DCTN1: variants seen among roughly 807,000 people sequenced by gnomAD.
The protein encoded by DCTN1 is dynactin subunit 1.
A neutral mutation model predicts 161.2 loss-of-function variants in DCTN1; 61 were observed. That is an observed-to-expected ratio of 0.38 (90% CI 0.31 to 0.47). DCTN1 has a LOEUF of 0.47. Ranked by LOEUF, DCTN1 falls within the 20% of genes least tolerant of loss-of-function variation. The pLI is 0.99. For missense variants in DCTN1, 1,404 were observed against 1,623.7 expected (o/e 0.86, Z 2.33); for synonymous variants, 653 against 632.4 (o/e 1.03, Z -0.49).
Position 74,370,505 on chromosome 2 carries a change from A to C in DCTN1, c.1088T>G (p.Leu363Arg). 1 of 1,614,178 alleles carries C rather than the reference A, an allele frequency of 6.2e-7. No individual in the cohort carries two copies. Among genetic ancestry groups the C allele is most frequent in the Non-Finnish European group, 8.5e-7 (1 of 1,180,046 alleles). Residue 363 changes from leucine (L) to arginine (R), a missense_variant, in exon 11 of 32, where the codon CTT becomes CGT. Physicochemically the swap from Leu to Arg is moderately radical, Grantham distance 102. Around this residue, in one of 9 missense-constraint regions of DCTN1, gnomAD observed 278 missense variants for 363.8 expected, o/e 0.76. Transcript: ENST00000628224. This position sits in a 1 kb window ranked among gnomAD's most constrained non-coding sequence, Gnocchi z 4.4. ...GAASSYQLKQLEEQNARLKDA... is the reference protein window; with the variant it reads ...GAASSYQLKQREEQNARLKDA... ...CTTCAGGCGGGCATTCTGCTCCTCA[A>C]GCTGCTTGAGCTGATAACTGGATGC...
chr2:74,370,921 C>T lies in DCTN1; in HGVS notation c.843+58G>A, dbSNP rs1193869865. On this transcript the variant is annotated intron_variant, in intron 9 of 31. Transcript: ENST00000628224. The surrounding 1 kb of genome is among the most constrained non-coding windows in gnomAD (Gnocchi z 4.4). ...CAGGCTCCAGCTCCAGTCTAGTTTC[C>T]AGCATGCTTCCTTAGGTCTCAGGCT... is the stretch of plus-strand genomic sequence containing the variant. 16 of 1,613,218 alleles carry T rather than the reference C, an allele frequency of 9.9e-6. No individual in the cohort carries two copies. The East Asian group carries it at 2.9e-4, about 29-fold the overall frequency.
chr2:74,371,804 G>A, intron 7 of DCTN1, 76 bp from the exon 8 acceptor site: 2 of 1,199,078 alleles, frequency 1.7e-6, no homozygotes, highest in Non-Finnish European at 2.4e-6. Context: ...AACAGAATAT[G>A]AGAATATGGC....
Position 74,364,976 on chromosome 2 carries a change from C to T in DCTN1, c.3196+99G>A, listed in dbSNP as rs1674291473. ...TGTAAGCATGTTCCTGGCTGAATAC[C>T]CGGGGGTAAGGGGGGTGGGGCAGAG... is the stretch of plus-strand genomic sequence containing the variant. On this transcript the variant is annotated intron_variant, in intron 26 of 31. Coordinates refer to ENST00000628224, the MANE Select transcript of DCTN1 (RefSeq NM_004082.5). 4.0e-6 allele frequency: 6 copies of T among 1,493,910 alleles called. No individual in the cohort carries two copies. The Admixed American group carries it at 6.7e-5, about 17-fold the overall frequency. The allele number at this position is 1,493,910 out of a possible 1,614,324, so 92.5% of individuals were successfully genotyped here. A position where few individuals can be genotyped will look rare whatever the true frequency, so the allele number is the denominator to read the frequency against.
rs201041559 is a variant in DCTN1, at chr2:74,370,438, C to T, written c.1127+28G>A. The stretch of plus-strand genomic sequence containing the variant: ...ACACATTTGGAGACACAAGAGTAAG[C>T]ATCAGAGGCAAGCACTGAAGACCCT... On this transcript the variant is annotated intron_variant, in intron 11 of 31. Coordinates refer to ENST00000628224, the MANE Select transcript of DCTN1 (RefSeq NM_004082.5). This position sits in a 1 kb window ranked among gnomAD's most constrained non-coding sequence, Gnocchi z 4.4. 6.7e-5 allele frequency: 108 copies of T among 1,614,156 alleles called. No individual in the cohort carries two copies. The African/African-American group carries it at 1.2e-3, about 18-fold the overall frequency.
At position 74,380,234 on chromosome 2, in the gene DCTN1, G is replaced by C; in HGVS notation, c.-197C>G. 1 of 658,430 alleles carries C rather than the reference G, an allele frequency of 1.5e-6. No individual in the cohort carries two copies. Among genetic ancestry groups the C allele is most frequent in the Non-Finnish European group, 2.8e-6 (1 of 362,644 alleles). The allele number at this position is 658,430 out of a possible 1,614,324, so 40.8% of individuals were successfully genotyped here. ...TGGGGGCAGTGATGGGGGCTGAGGA[G>C]CAAGTCCCCTCTGCTGCCTGAGGAT... is the stretch of plus-strand genomic sequence containing the variant. On this transcript the variant is annotated 5_prime_UTR_variant, in exon 1 of 32. Transcript: ENST00000628224.
chr2:74,366,620 C>A lies in DCTN1; in HGVS notation c.2467G>T (p.Val823Leu). ...IPAALAFGPQ[V>L]SDTLLDCRKH... Reference sequence around the variant, plus strand: ...CTGCAGTCTAGGAGCGTGTCAGATACCTGTGTGCCAGGCCAGAGTCAGGAG... The same window carrying A: ...CTGCAGTCTAGGAGCGTGTCAGATAACTGTGTGCCAGGCCAGAGTCAGGAG... Residue 823 changes from valine (V) to leucine (L), a missense_variant and splice_region_variant, in exon 22 of 32, where the codon GTA becomes TTA. Coordinates refer to ENST00000628224, the MANE Select transcript of DCTN1 (RefSeq NM_004082.5). 6.2e-7 allele frequency: 1 copy of A among 1,612,354 alleles called. No individual in the cohort carries two copies. The highest frequency in any genetic ancestry group is 8.5e-7 in the Non-Finnish European group (1 of 1,180,030).
In DCTN1 at chr2:74,376,473, A is replaced by T. The variant is rs372355160; in HGVS notation, c.414+269T>A. 2.6e-5 allele frequency among the ~76,000 whole-genome samples: 4 copies of T among 152,318 alleles called. No homozygotes were observed. The South Asian group carries it at 8.3e-4, about 32-fold the overall frequency. On this transcript the variant is annotated intron_variant, in intron 5 of 31. Coordinates refer to ENST00000628224, the MANE Select transcript of DCTN1 (RefSeq NM_004082.5). ...TTCACACTGCTGCTATTTACAGTCA[A>T]ATGCTTATAGTTTTTGATTGGGGAA... is the stretch of plus-strand genomic sequence containing the variant.
chr2:74,367,444 A>AG (rs1158748703), intron 18 of DCTN1, 24 bp from the exon 19 acceptor site: 1 of 1,613,822 alleles, frequency 6.2e-7, no homozygotes, highest in East Asian at 2.2e-5. Flanking sequence ...ACAGACAGAC[A>AG]ACTTTTAGGC....
In DCTN1 at chr2:74,378,506, C is replaced by A. The variant is rs532915301; in HGVS notation, c.34-261G>T. 2.0e-5 allele frequency among the ~76,000 whole-genome samples: 3 copies of A among 152,276 alleles called. No homozygotes were observed. In the East Asian group the frequency reaches 5.8e-4, roughly 29 times the overall value. On this transcript the variant is annotated intron_variant, in intron 1 of 31. Transcript: ENST00000628224. ...TTTATAACAAATCAGAATTCATTGA[C>A]CAGTCTGTGAATGTCACCACATGGC... is the stretch of plus-strand genomic sequence containing the variant.
rs1415154349 is a variant in DCTN1 at position 74,365,100 on chromosome 2, A to C, written c.3171T>G (p.Ala1057=). The change falls in exon 26 of 32, where the codon GCT becomes GCG. Residue 1057 remains alanine (A), a synonymous_variant. Coordinates refer to ENST00000628224, the MANE Select transcript of DCTN1 (RefSeq NM_004082.5). ...GLRGPPPSGI[A]TLVSGIAGEE... ...CACCAGCAATGCCAGAGACCAGAGT[A>C]GCAATGCCTGAAGGAGGAGGGCCCC... 3 of 1,614,054 alleles carry C rather than the reference A, an allele frequency of 1.9e-6. No individual in the cohort carries two copies. Among genetic ancestry groups the C allele is most frequent in the Non-Finnish European group, 2.5e-6 (3 of 1,180,024 alleles).
At chr2:74,361,942 A>G in intron 31 of DCTN1, 110 bp downstream of exon 31, 1 of 1,187,382 alleles carries the variant, frequency 8.4e-7, no homozygotes, top group African/African-American at 1.5e-5. Flanking sequence ...AACCCAAGGT[A>G]TGCAGTTGTT....
rs775775773 is a variant in DCTN1, at chr2:74,369,050, C to T, written c.1701+48G>A. 6 of 1,593,604 alleles carry T rather than the reference C, an allele frequency of 3.8e-6. No individual in the cohort carries two copies. The East Asian group carries it at 1.1e-4, about 30-fold the overall frequency. On this transcript the variant is annotated intron_variant, in intron 15 of 31. Coordinates refer to ENST00000628224, the MANE Select transcript of DCTN1 (RefSeq NM_004082.5). This position sits in a 1 kb window ranked among gnomAD's most constrained non-coding sequence, Gnocchi z 4.9. ...AGGAATCTGAAGCCCAGACCCCATA[C>T]CAGTTCATCCCAGGCAGGGCTCCCT...
At position 74,361,327 on chromosome 2, in the gene DCTN1, A is replaced by C; in HGVS notation, c.*172T>G. On this transcript the variant is annotated 3_prime_UTR_variant, in exon 32 of 32. Coordinates refer to ENST00000628224, the MANE Select transcript of DCTN1 (RefSeq NM_004082.5). ...AGAGGCCAGGGAATGGGAGTGGGGG[A>C]ACCCGGGTCAAGGTGAAGGGGCAGG... 16 of 884,036 alleles carry C rather than the reference A, an allele frequency of 1.8e-5. No individual in the cohort carries two copies. The highest frequency in any genetic ancestry group is 2.9e-5 in the Non-Finnish European group (16 of 554,514). The allele number at this position is 884,036 out of a possible 1,614,324, so 54.8% of individuals were successfully genotyped here. A position where few individuals can be genotyped will look rare whatever the true frequency, so the allele number is the denominator to read the frequency against.
intron 16 of DCTN1, chr2:74,368,498 C>G (rs1184640639): frequency 2.9e-6 from 2 of 680,230 alleles, no homozygotes; most frequent in Non-Finnish European, 5.0e-6. Flanking sequence ...CTCAGTCACA[C>G]CCTGCTCACC....
Position 74,361,202 on chromosome 2 carries a change from G to T in DCTN1, c.*297C>A, listed in dbSNP as rs768719210. Reference sequence around the variant, plus strand: ...ATCAAGGGGTGAAGTCCTCAATCAAGGGGACCTCACTTAACCTTTGGTGGT... The same window carrying T: ...ATCAAGGGGTGAAGTCCTCAATCAATGGGACCTCACTTAACCTTTGGTGGT... On this transcript the variant is annotated 3_prime_UTR_variant, in exon 32 of 32. Coordinates refer to ENST00000628224, the MANE Select transcript of DCTN1 (RefSeq NM_004082.5). 1 of 542,280 alleles carries T rather than the reference G, an allele frequency of 1.8e-6. No individual in the cohort carries two copies. Among genetic ancestry groups the T allele is most frequent in the South Asian group, 1.6e-5 (1 of 62,786 alleles). 33.6% of individuals were successfully genotyped at this position (542,280 alleles called of 1,614,324 possible).
chr2:74,380,117 G>A lies in DCTN1; in HGVS notation c.-80C>T. The A allele has an allele frequency of 6.6e-7, 1 of 1,509,922 alleles. No homozygotes were observed. Among genetic ancestry groups the A allele is most frequent in the Non-Finnish European group, 9.2e-7 (1 of 1,090,404 alleles). 93.5% of individuals were successfully genotyped at this position (1,509,922 alleles called of 1,614,324 possible). A position where few individuals can be genotyped will look rare whatever the true frequency, so the allele number is the denominator to read the frequency against. ...GGTAGAAACCTAGGCAGGAGGGTCAGGGCGCTGGGCCCTCATAGAGGGACA... is the reference window on the plus strand; with the variant it reads ...GGTAGAAACCTAGGCAGGAGGGTCAAGGCGCTGGGCCCTCATAGAGGGACA... On this transcript the variant is annotated 5_prime_UTR_variant, in exon 1 of 32. Transcript: ENST00000628224.
Position 74,366,797 on chromosome 2 carries a change from C to T in DCTN1, c.2452G>A (p.Ala818Thr), listed in dbSNP as rs756190277. The change falls in exon 21 of 32, where the codon GCC becomes ACC. Residue 818 changes from alanine (A) to threonine (T), a missense_variant. This residue lies in a region of DCTN1 where 475 missense variants were observed against 489.8 expected (regional missense o/e 0.97). Coordinates refer to ENST00000628224, the MANE Select transcript of DCTN1 (RefSeq NM_004082.5). ...CAGCCTTAAACCTGTGGTCCAAAGG[C>T]CAGTGCAGCTGGGATCCCAGGAGCA... Reference protein sequence around the residue: ...TDAPGIPAALAFGPQVSDTLL... With the variant: ...TDAPGIPAALTFGPQVSDTLL... 1.2e-6 allele frequency: 2 copies of T among 1,614,276 alleles called. No homozygotes were observed. Among genetic ancestry groups the T allele is most frequent in the South Asian group, 2.2e-5 (2 of 91,086 alleles).
At chr2:74,376,150 G>A (rs115543210) in intron 5 of DCTN1, among the ~76,000 whole-genome samples, 1,525 of 151,766 alleles carry the variant, frequency 0.01, 36 homozygotes, top group African/African-American at 0.035. Flanking sequence ...GGCTGCAAGG[G>A]GTAGGAGGTA....
chr2:74,374,529 C>A (rs531368793), intron 5 of DCTN1, 189 bp from the exon 6 acceptor site: 2 of 1,410,780 alleles, frequency 1.4e-6, no homozygotes, highest in South Asian at 2.7e-5. Flanking sequence ...CCTCCCGGTG[C>A]GGCAGCTTCC....
Sources: allele counts gnomAD v4.1 joint callset (sites outside exome capture counted in the v4.1 genomes callset), GRCh38; gene constraint gnomAD v4.1.1; regional missense constraint gnomAD v4.1.1; non-coding constraint Gnocchi (gnomAD v3.1); transcripts MANE v1.5; gene names NCBI Gene and HGNC (gene_info 2026-07-23, HGNC 2026-07-21).